ORC5: variants seen among roughly 807,000 people sequenced by gnomAD.
ORC5 encodes the protein origin recognition complex subunit 5.
Under a neutral mutation model 58.8 loss-of-function variants are expected in ORC5, and 39 were observed. The ratio of observed to expected loss-of-function variants is 0.66; its 90% CI spans 0.51 to 0.87. The LOEUF (loss-of-function observed/expected upper bound fraction) is 0.87, where lower values mean the gene tolerates loss of function less well. ORC5 is among the 40% of genes least tolerant of loss of function. The pLI, the probability that ORC5 is intolerant of heterozygous loss-of-function variation, is 0.00. For missense variants in ORC5, 493 were observed against 506.3 expected (o/e 0.97, Z 0.25); for synonymous variants, 218 against 177.6 (o/e 1.23, Z -1.81).
chr7:104,127,548 T>TGAA (rs1554346842), intron 13 of ORC5, among the ~76,000 whole-genome samples: 3 of 151,654 alleles, frequency 2.0e-5, no homozygotes, highest in Admixed American at 1.3e-4. Flanking sequence ...TATTCAGACT[T>TGAA]GGTTTATTAT....
intron 5 of ORC5, among the ~76,000 whole-genome samples, chr7:104,192,181 G>T (rs1336262578): frequency 6.6e-6 from 1 of 152,092 alleles, no homozygotes; most frequent in Admixed American, 6.6e-5. Flanking sequence ...GCTAGAATTT[G>T]CAGGGCAGAG....
chr7:104,187,655 A>G, intron 6 of ORC5: 3 of 710,752 alleles, frequency 4.2e-6, no homozygotes, highest in Non-Finnish European at 5.2e-6. Context: ...AAAAAGGTCA[A>G]AGAAAAATTA....
At chr7:104,174,728 T>C (rs1012373542) in intron 8 of ORC5, among the ~76,000 whole-genome samples, 8 of 151,740 alleles carry the variant, frequency 5.3e-5, no homozygotes, top group African/African-American at 1.5e-4. Flanking sequence ...ATCTCAGGAG[T>C]TGGGTAGGTA....
chr7:104,165,611 T>G (rs1393493019), intron 10 of ORC5: 2 of 199,196 alleles, frequency 1.0e-5, no homozygotes, highest in African/African-American at 4.7e-5. Context: ...AGATATGGAT[T>G]TTTATTCATC....
chr7:104,159,764 T>C (rs1489186574), intron 12 of ORC5, among the ~76,000 whole-genome samples: 1 of 152,118 alleles, frequency 6.6e-6, no homozygotes, highest in Non-Finnish European at 1.5e-5. Flanking sequence ...TTGTAAAAGT[T>C]GTTTAATCTC....
At chr7:104,131,936 G>A (rs1798518657) in intron 13 of ORC5, among the ~76,000 whole-genome samples, 1 of 151,800 alleles carries the variant, frequency 6.6e-6, no homozygotes, top group African/African-American at 2.4e-5. Context: ...ATGAATCCTA[G>A]AATACAGGCT....
chr7:104,127,661 C>T (rs1441125223), intron 13 of ORC5, among the ~76,000 whole-genome samples: 1 of 152,184 alleles, frequency 6.6e-6, no homozygotes, highest in Non-Finnish European at 1.5e-5. Context: ...CATGTGAGAA[C>T]AGCCTTTTAA....
chr7:104,134,445 T>C (rs1444387915), intron 13 of ORC5, among the ~76,000 whole-genome samples: 1 of 124,352 alleles, frequency 8.0e-6, no homozygotes. Context: ...AAAAAAAAAT[T>C]AGGTGGAAAA....
chr7:104,179,647 T>G (rs542287504), intron 8 of ORC5, among the ~76,000 whole-genome samples: 1 of 152,032 alleles, frequency 6.6e-6, no homozygotes, highest in Admixed American at 6.5e-5. Context: ...GCAGTTTTTT[T>G]TGTTGTTTTT....
intron 10 of ORC5, among the ~76,000 whole-genome samples, chr7:104,166,005 G>A (rs1259013420): frequency 1.3e-5 from 2 of 151,824 alleles, no homozygotes; most frequent in African/African-American, 4.8e-5. Context: ...CTGCACTCTG[G>A]CCTGGGTGAG....
chr7:104,176,167 C>T lies in ORC5; in HGVS notation c.825-7642G>A, dbSNP rs76351085. Among the ~76,000 whole-genome samples the T allele has an allele frequency of 9.2e-3, 1,403 of 152,258 alleles. 19 individuals are homozygous for T. The highest frequency in any genetic ancestry group is 0.013 in the Non-Finnish European group (918 of 68,006). ...ATGTGTTTGTGTTTATACATATATA[C>T]ATATGTTGTGTCTACGTGGTAAAAT... On this transcript the variant is annotated intron_variant, in intron 8 of 13. Transcript: ENST00000297431.
chr7:104,154,788 C>T (rs113175381), intron 12 of ORC5, among the ~76,000 whole-genome samples: 2 of 151,740 alleles, frequency 1.3e-5, no homozygotes, highest in Admixed American at 6.6e-5. Context: ...AAATTAACAA[C>T]GTCTCCTCTT....
intron 3 of ORC5, 116 bp from the exon 4 acceptor site, chr7:104,197,915 G>A: frequency 1.7e-6 from 1 of 589,206 alleles, no homozygotes; most frequent in Non-Finnish European, 2.9e-6. Context: ...CCCCAGTGTG[G>A]CAGTATTGGG....
chr7:104,163,076 T>G (rs978570278), intron 11 of ORC5, among the ~76,000 whole-genome samples: 2 of 152,224 alleles, frequency 1.3e-5, no homozygotes, highest in African/African-American at 4.8e-5. Context: ...AATTCATTAT[T>G]ACAAATAATC....
chr7:104,159,472 TATA>T (rs370976743), intron 12 of ORC5, among the ~76,000 whole-genome samples: 48 of 144,330 alleles, frequency 3.3e-4, no homozygotes, highest in East Asian at 3.2e-3. Context: ...AAACTTAAAG[TATA>T]ATAATAATAA....
chr7:104,193,297 GA>G (rs1215585853), intron 5 of ORC5, among the ~76,000 whole-genome samples: 1 of 152,022 alleles, frequency 6.6e-6, no homozygotes, highest in Non-Finnish European at 1.5e-5. Context: ...TAAAATGTAA[GA>G]CAACAGCAGT....
chr7:104,126,779 T>G lies in ORC5; in HGVS notation c.*69A>C. The G allele has an allele frequency of 8.4e-7, 1 of 1,193,378 alleles. No homozygotes were observed. 73.9% of individuals were successfully genotyped at this position (1,193,378 alleles called of 1,614,324 possible). On this transcript the variant is annotated 3_prime_UTR_variant, in exon 14 of 14. Transcript: ENST00000297431. The stretch of plus-strand genomic sequence containing the variant: ...CAAAGAACTCCTCTCCTTGGCCAGC[T>G]AAGTAGCTGGATGAACACAGCTTGG...
chr7:104,206,389 G>T (rs1257907305), intron 1 of ORC5, among the ~76,000 whole-genome samples: 9 of 152,056 alleles, frequency 5.9e-5, no homozygotes, highest in African/African-American at 1.9e-4. Flanking sequence ...AAAAGCAAAG[G>T]TCAAAAACTC....
chr7:104,200,850 T>C lies in ORC5; in HGVS notation c.274A>G (p.Thr92Ala). The change falls in exon 3 of 14, where the codon ACT (threonine) becomes GCT (alanine). Residue 92 changes from threonine to alanine, a missense_variant. Transcript: ENST00000297431. ...TTAAATGTTTCACAGGTTATTTCAG[T>C]AGAACATCCATCCTCTGAAGAACTA... The part of the protein sequence containing the change: ...HLSSSEDGCS[T>A]EITCETFNDF... 1 of 1,612,316 alleles carries C rather than the reference T, an allele frequency of 6.2e-7. No individual in the cohort carries two copies. The highest frequency in any genetic ancestry group is 1.1e-5 in the South Asian group (1 of 91,006).
Sources: gnomAD v4.1 joint callset for allele counts (sites outside exome capture counted in the v4.1 genomes callset) on GRCh38, gnomAD v4.1.1 for gene constraint, MANE v1.5 for transcripts, NCBI Gene and HGNC (gene_info 2026-07-23, HGNC 2026-07-21) for gene names.